The following ZBTB20 variants were observed in gnomAD, a reference collection of about 807,000 sequenced individuals.
The protein encoded by ZBTB20 is zinc finger and BTB domain containing 20.
A neutral mutation model predicts 56.9 loss-of-function variants in ZBTB20; 9 were observed. The observed-to-expected ratio is 0.16, with a 90% CI of 0.10 to 0.28. The LOEUF is 0.28. Among genes scored for constraint, ZBTB20 ranks in the 10% least tolerant of loss-of-function variants. ZBTB20 has a pLI of 1.00. For missense variants in ZBTB20, 655 were observed against 1,003.0 expected (o/e 0.65, Z 4.69); for synonymous variants, 417 against 420.7 (o/e 0.99, Z 0.11).
intron 5 of ZBTB20, among the ~76,000 whole-genome samples, chr3:114,748,255 A>G (rs991259387): frequency 2.0e-5 from 3 of 151,526 alleles, no homozygotes; most frequent in Non-Finnish European, 4.4e-5. Flanking sequence ...TTGAAAAAAG[A>G]TGGTTCTGGG....
At chr3:115,126,209 T>C (rs551053563) in intron 1 of ZBTB20, among the ~76,000 whole-genome samples, 1 of 152,188 alleles carries the variant, frequency 6.6e-6, no homozygotes, top group African/African-American at 2.4e-5. Context: ...CAATACCATA[T>C]GTTAAAGAGA....
intron 3 of ZBTB20, among the ~76,000 whole-genome samples, chr3:114,928,991 C>G (rs1258580326): frequency 6.6e-6 from 1 of 152,188 alleles, no homozygotes; most frequent in Non-Finnish European, 1.5e-5. Context: ...GAGACACACA[C>G]TCATAGAAAA....
intron 6 of ZBTB20, among the ~76,000 whole-genome samples, chr3:114,506,128 A>T (rs932415406): frequency 7.2e-5 from 11 of 152,116 alleles, no homozygotes; most frequent in African/African-American, 2.4e-4. Flanking sequence ...AAATGGTCAT[A>T]CATATCTTGG....
chr3:114,699,118 C>A (rs1357885820), intron 5 of ZBTB20, among the ~76,000 whole-genome samples: 1 of 152,078 alleles, frequency 6.6e-6, no homozygotes, highest in Non-Finnish European at 1.5e-5. Flanking sequence ...TAGGAAAAAG[C>A]TTAACAAAAA....
chr3:114,695,856 AC>A (rs753568803), intron 5 of ZBTB20, among the ~76,000 whole-genome samples: 34 of 152,042 alleles, frequency 2.2e-4, no homozygotes, highest in Non-Finnish European at 4.3e-4. Flanking sequence ...ATGTAGAGGA[AC>A]CCTTAGAAAA....
chr3:114,953,960 G>C (rs548837803), intron 3 of ZBTB20, among the ~76,000 whole-genome samples: 1 of 152,098 alleles, frequency 6.6e-6, no homozygotes, highest in Admixed American at 6.6e-5. Flanking sequence ...GTTTTCGTAA[G>C]AGTAATGGTT....
At chr3:114,848,366 G>A (rs2107387149) in intron 4 of ZBTB20, among the ~76,000 whole-genome samples, 1 of 152,272 alleles carries the variant, frequency 6.6e-6, no homozygotes, top group Admixed American at 6.5e-5. Context: ...ACTGCTAGAG[G>A]CCTGGCACCG....
At chr3:115,097,523 C>T (rs890929974) in intron 1 of ZBTB20, among the ~76,000 whole-genome samples, 4 of 152,070 alleles carry the variant, frequency 2.6e-5, no homozygotes, top group Admixed American at 6.5e-5. Context: ...AGCACACACA[C>T]GTTAAAAAGC....
chr3:114,462,921 C>T (rs1381943851), intron 7 of ZBTB20, among the ~76,000 whole-genome samples: 1 of 152,192 alleles, frequency 6.6e-6, no homozygotes, highest in Non-Finnish European at 1.5e-5. Context: ...GAGGACTCGT[C>T]CTTCCTCTGA....
chr3:114,390,674 TA>T (rs1204167160), intron 7 of ZBTB20, among the ~76,000 whole-genome samples: 2 of 152,244 alleles, frequency 1.3e-5, no homozygotes, highest in Non-Finnish European at 2.9e-5. Flanking sequence ...TCTTTAGTTC[TA>T]GCTTTTCTAC....
chr3:114,955,810 G>A (rs1177467189), intron 3 of ZBTB20, among the ~76,000 whole-genome samples: 2 of 152,082 alleles, frequency 1.3e-5, no homozygotes, highest in African/African-American at 2.4e-5. Context: ...GGTGGGGGGT[G>A]TACTTTATTC....
At chr3:114,373,167 G>C (rs1278720699) in intron 10 of ZBTB20, among the ~76,000 whole-genome samples, 1 of 152,206 alleles carries the variant, frequency 6.6e-6, no homozygotes, top group Non-Finnish European at 1.5e-5. Context: ...GGCCGCCTTG[G>C]TCTCCCAAAG....
chr3:114,358,345 T>C (rs918229553), intron 10 of ZBTB20, among the ~76,000 whole-genome samples: 2 of 152,154 alleles, frequency 1.3e-5, no homozygotes, highest in African/African-American at 4.8e-5. Context: ...AGAAAAACAT[T>C]TGCTCTGTGA....
chr3:114,908,723 T>C (rs2107698190), intron 3 of ZBTB20, among the ~76,000 whole-genome samples: 1 of 151,204 alleles, frequency 6.6e-6, no homozygotes, highest in Admixed American at 6.6e-5. Flanking sequence ...AGGGCCAAAA[T>C]AAAAAAAGAA....
At chr3:114,741,736 G>T (rs1448265098) in intron 5 of ZBTB20, among the ~76,000 whole-genome samples, 3 of 151,130 alleles carry the variant, frequency 2.0e-5, no homozygotes, top group Non-Finnish European at 4.4e-5. Context: ...AAAAAAATTA[G>T]CTGGGCATGG....
intron 6 of ZBTB20, among the ~76,000 whole-genome samples, chr3:114,675,428 C>T (rs1578278586): frequency 1.3e-5 from 2 of 152,174 alleles, no homozygotes; most frequent in Admixed American, 1.3e-4. Context: ...ACAATGCGAG[C>T]TGTAGGGTTA....
At chr3:115,078,466 T>G (rs575103126) in intron 1 of ZBTB20, among the ~76,000 whole-genome samples, 6 of 152,200 alleles carry the variant, frequency 3.9e-5, no homozygotes, top group Non-Finnish European at 7.4e-5. Flanking sequence ...ACTCATAGGA[T>G]CTTCACTCTT....
intron 3 of ZBTB20, among the ~76,000 whole-genome samples, chr3:114,959,458 C>T (rs1264928820): frequency 6.6e-6 from 1 of 151,434 alleles, no homozygotes; most frequent in Non-Finnish European, 1.5e-5. Flanking sequence ...TAAAAAATAT[C>T]CAAAGGAAGA....
chr3:114,943,779 A>G (rs1294848991), intron 3 of ZBTB20, among the ~76,000 whole-genome samples: 1 of 144,792 alleles, frequency 6.9e-6, no homozygotes, highest in East Asian at 1.9e-4. Flanking sequence ...AGGAAAGGGT[A>G]AGGAGAATAG....
Sources: allele counts gnomAD v4.1 joint callset (sites outside exome capture counted in the v4.1 genomes callset), GRCh38; gene constraint gnomAD v4.1.1; transcripts MANE v1.5; gene names NCBI Gene and HGNC (gene_info 2026-07-23, HGNC 2026-07-21).